The following SOCS5 variants were observed in gnomAD, a reference collection of about 807,000 sequenced individuals.
The protein encoded by SOCS5 is CIS-6.
Under a neutral mutation model 42.8 loss-of-function variants are expected in SOCS5, and 32 were observed. That is an observed-to-expected ratio of 0.75 (90% CI 0.56 to 1.01). SOCS5 has a LOEUF of 1.01. Ranked by LOEUF, SOCS5 falls within the 50% of genes least tolerant of loss-of-function variation. The pLI is 0.00. For missense variants in SOCS5, 627 were observed against 653.0 expected (o/e 0.96, Z 0.43); for synonymous variants, 283 against 229.6 (o/e 1.23, Z -2.10).
intron 1 of SOCS5, among the ~76,000 whole-genome samples, chr2:46,726,983 C>T (rs756677959): frequency 2.6e-5 from 4 of 151,646 alleles, no homozygotes; most frequent in African/African-American, 4.8e-5. Flanking sequence ...CTCGAACTCC[C>T]GATCTCAGGT....
rs1175391193 is a variant in SOCS5, at chr2:46,760,429, G to T, written c.*288G>T. 9.6e-5 allele frequency: 30 copies of T among 311,254 alleles called. No individual in the cohort carries two copies. The Admixed American group carries it at 1.4e-3, about 14-fold the overall frequency. The allele number at this position is 311,254 out of a possible 1,614,324, so 19.3% of individuals were successfully genotyped here. ...TGGTATTTGAGTGAGGCAACTCTGG[G>T]GCATTTGTTATGAAGAATTCTATTT... On this transcript the variant is annotated 3_prime_UTR_variant, in exon 2 of 2. Coordinates refer to ENST00000394861, the MANE Select transcript of SOCS5 (RefSeq NM_144949.3).
rs1245732807 is a variant in SOCS5 at position 46,762,734 on chromosome 2, A to T, written c.*2593A>T. On this transcript the variant is annotated 3_prime_UTR_variant, in exon 2 of 2. Transcript: ENST00000394861. Reference sequence around the variant, plus strand: ...AGCCTGTCAACTAAATTTGAGTGTTAACGGTCTTTTTAAAGTGCATTTAAA... The same window carrying T: ...AGCCTGTCAACTAAATTTGAGTGTTTACGGTCTTTTTAAAGTGCATTTAAA... 4 of 162,890 alleles carry T rather than the reference A, an allele frequency of 2.5e-5. No homozygotes were observed. Among genetic ancestry groups the T allele is most frequent in the African/African-American group, 1.0e-4 (4 of 38,452 alleles). 10.1% of individuals were successfully genotyped at this position (162,890 alleles called of 1,614,324 possible).
At chr2:46,700,669 T>C (rs1229525286) in intron 1 of SOCS5, among the ~76,000 whole-genome samples, 1 of 152,178 alleles carries the variant, frequency 6.6e-6, no homozygotes, top group African/African-American at 2.4e-5. Flanking sequence ...TTCTTAACAA[T>C]TGGTAATCTT....
At chr2:46,726,555 G>C (rs1672994966) in intron 1 of SOCS5, among the ~76,000 whole-genome samples, 1 of 152,058 alleles carries the variant, frequency 6.6e-6, no homozygotes, top group Admixed American at 6.6e-5. Context: ...TGACACGAAT[G>C]TCAGACCTTT....
intron 1 of SOCS5, among the ~76,000 whole-genome samples, chr2:46,704,565 C>G (rs1160594892): frequency 6.6e-6 from 1 of 152,068 alleles, no homozygotes; most frequent in African/African-American, 2.4e-5. Context: ...GTTGGCACGT[C>G]TTTGTATCAG....
At chr2:46,731,284 G>C (rs1673118549) in intron 1 of SOCS5, among the ~76,000 whole-genome samples, 1 of 152,162 alleles carries the variant, frequency 6.6e-6, no homozygotes. Context: ...AAAGATGAGA[G>C]TTCTCCTTCC....
At chr2:46,740,381 C>G (rs1673343622) in intron 1 of SOCS5, among the ~76,000 whole-genome samples, 1 of 152,148 alleles carries the variant, frequency 6.6e-6, no homozygotes, top group African/African-American at 2.4e-5. Context: ...AGAAATACAG[C>G]TTTTGCTTTT....
chr2:46,727,022 C>A (rs910855171), intron 1 of SOCS5, among the ~76,000 whole-genome samples: 7 of 151,924 alleles, frequency 4.6e-5, no homozygotes, highest in African/African-American at 1.7e-4. Context: ...TCCCAAAGTT[C>A]TGGGATTACA....
intron 1 of SOCS5, among the ~76,000 whole-genome samples, chr2:46,719,654 C>A (rs1054633713): frequency 6.6e-6 from 1 of 152,110 alleles, no homozygotes; most frequent in Non-Finnish European, 1.5e-5. Flanking sequence ...ACCTGGTGCT[C>A]TTTAGGAACT....
chr2:46,702,513 CAGTACTAG>C (rs1231451913), intron 1 of SOCS5, among the ~76,000 whole-genome samples: 2 of 152,162 alleles, frequency 1.3e-5, no homozygotes, highest in Non-Finnish European at 2.9e-5. Context: ...AGTGAAAATA[CAGTACTAG>C]AGTACTAGAG....
chr2:46,700,282 C>G (rs1672310927), intron 1 of SOCS5, among the ~76,000 whole-genome samples: 1 of 152,168 alleles, frequency 6.6e-6, no homozygotes, highest in African/African-American at 2.4e-5. Flanking sequence ...TGCCTGGCTG[C>G]TGGACTTTGT....
chr2:46,707,931 A>C (rs939841077), intron 1 of SOCS5, among the ~76,000 whole-genome samples: 2 of 152,218 alleles, frequency 1.3e-5, no homozygotes, highest in African/African-American at 4.8e-5. Flanking sequence ...TAGTTGGGCA[A>C]AATCATCTAA....
intron 1 of SOCS5, among the ~76,000 whole-genome samples, chr2:46,756,624 TGTA>T (rs367958600): frequency 4.6e-5 from 7 of 152,340 alleles, no homozygotes; most frequent in African/African-American, 1.4e-4. Context: ...TTAAGAGTCT[TGTA>T]GTGACATTTG....
At chr2:46,734,419 C>G (rs1201974621) in intron 1 of SOCS5, among the ~76,000 whole-genome samples, 1 of 152,060 alleles carries the variant, frequency 6.6e-6, no homozygotes, top group Non-Finnish European at 1.5e-5. Context: ...AACCTGCATA[C>G]AGGTATAGGC....
chr2:46,752,814 C>A (rs531330330), intron 1 of SOCS5, among the ~76,000 whole-genome samples: 1 of 152,178 alleles, frequency 6.6e-6, no homozygotes, highest in Non-Finnish European at 1.5e-5. Context: ...TGTTTTATTT[C>A]GTGTTTTCTC....
At position 46,762,365 on chromosome 2, in the gene SOCS5, T is replaced by G. The variant is rs191805297; in HGVS notation, c.*2224T>G. 2.2e-4 allele frequency: 36 copies of G among 166,898 alleles called. No individual in the cohort carries two copies. The East Asian group carries it at 6.5e-3, about 30-fold the overall frequency. The allele number at this position is 166,898 out of a possible 1,614,324, so 10.3% of individuals were successfully genotyped here. A position where few individuals can be genotyped will look rare whatever the true frequency, so the allele number is the denominator to read the frequency against. On this transcript the variant is annotated 3_prime_UTR_variant, in exon 2 of 2. Coordinates refer to ENST00000394861, the MANE Select transcript of SOCS5 (RefSeq NM_144949.3). ...TATATATGTGAGCAAGATTGTGTTTTAGAGAGGAAACTTGAAACTCCAAGA... is the reference window on the plus strand; with the variant it reads ...TATATATGTGAGCAAGATTGTGTTTGAGAGAGGAAACTTGAAACTCCAAGA...
At position 46,759,556 on chromosome 2, in the gene SOCS5, G is replaced by A. The variant is rs747153865; in HGVS notation, c.1026G>A (p.Gln342=). ...AGTCACGGAGGCAGAAGCAGCGTCA[G>A]ATATCTGGAGACAGCCATACCCATG... The part of the protein sequence containing the change: ...CLQSRRQKQR[Q]ISGDSHTHVS... The change falls in exon 2 of 2, where the codon CAG becomes CAA. Residue 342 remains glutamine (Q), a synonymous_variant. Coordinates refer to ENST00000394861, the MANE Select transcript of SOCS5 (RefSeq NM_144949.3). The A allele has an allele frequency of 1.2e-6, 2 of 1,613,978 alleles. No individual in the cohort carries two copies. Among genetic ancestry groups the A allele is most frequent in the Admixed American group, 1.7e-5 (1 of 60,018 alleles).
intron 1 of SOCS5, among the ~76,000 whole-genome samples, chr2:46,754,230 G>C (rs921169555): frequency 6.6e-6 from 1 of 152,160 alleles, no homozygotes; most frequent in African/African-American, 2.4e-5. Context: ...TGCCCATAAT[G>C]TATCATGTAA....
chr2:46,715,642 GTA>G (rs892915096), intron 1 of SOCS5, among the ~76,000 whole-genome samples: 7 of 152,034 alleles, frequency 4.6e-5, no homozygotes, highest in African/African-American at 1.2e-4. Flanking sequence ...CTTCTTGTTT[GTA>G]TAGTTTCTGA....
Sources: allele counts gnomAD v4.1 joint callset (sites outside exome capture counted in the v4.1 genomes callset), GRCh38; gene constraint gnomAD v4.1.1; transcripts MANE v1.5; gene names NCBI Gene and HGNC (gene_info 2026-07-23, HGNC 2026-07-21).